HTRA3: variants seen among roughly 807,000 people sequenced by gnomAD.
HTRA3 encodes the protein HtrA serine peptidase 3.
Under a neutral mutation model 43.2 loss-of-function variants are expected in HTRA3, and 41 were observed. The observed-to-expected ratio is 0.95, with a 90% CI of 0.74 to 1.23. HTRA3 has a LOEUF of 1.23. Among genes scored for constraint, HTRA3 ranks in the 50% most tolerant of loss-of-function variants. The pLI is 0.00. For missense variants in HTRA3, 628 were observed against 647.1 expected (o/e 0.97, Z 0.32); for synonymous variants, 295 against 287.9 (o/e 1.02, Z -0.25).
chr4:8,291,750 G>A (rs546662157), intron 4 of HTRA3, among the ~76,000 whole-genome samples, 186 bp downstream of exon 4: 27 of 152,350 alleles, frequency 1.8e-4, no homozygotes, highest in African/African-American at 6.5e-4. Context: ...ACCCCAGGGT[G>A]CCAGGCACGC....
At position 8,304,183 on chromosome 4, in the gene HTRA3, G is replaced by A; in HGVS notation, c.1101-1G>A. On this transcript the variant is annotated splice_acceptor_variant, in intron 7 of 8. Transcript: ENST00000307358. LOFTEE classifies it high-confidence loss of function. The stretch of plus-strand genomic sequence containing the variant: ...GGGCCTTGACGGCAGACTCTTTCCA[G>A]CCTGGTGGATGAGCTGAAGGCCAGC... The A allele has an allele frequency of 6.2e-7, 1 of 1,613,856 alleles. No homozygotes were observed. Among genetic ancestry groups the A allele is most frequent in the Non-Finnish European group, 8.5e-7 (1 of 1,179,784 alleles).
At chr4:8,282,265 C>A (rs1317598503) in intron 1 of HTRA3, among the ~76,000 whole-genome samples, 172 bp from the exon 2 acceptor site, 1 of 152,210 alleles carries the variant, frequency 6.6e-6, no homozygotes. Flanking sequence ...GGTGTCACTG[C>A]ACTGCTGTGT....
At chr4:8,277,582 G>A (rs188468486) in intron 1 of HTRA3, among the ~76,000 whole-genome samples, 2 of 152,328 alleles carry the variant, frequency 1.3e-5, no homozygotes, top group African/African-American at 4.8e-5. Context: ...GGAATGACAG[G>A]AAGGGCATAT....
At position 8,305,974 on chromosome 4, in the gene HTRA3, C is replaced by A. The variant is rs577535097; in HGVS notation, c.1200C>A (p.Gly400=). ...ACCCCGTCTCTCCTGTTGGCAGAGG[C>A]GGCATCCAAGATGGTGACATCATCG... ...EVAPNSPSQR[G]GIQDGDIIVK... Residue 400 remains glycine (G), a synonymous_variant, in exon 9 of 9, where the codon GGC becomes GGA. Coordinates refer to ENST00000307358, the MANE Select transcript of HTRA3 (RefSeq NM_053044.5). The A allele has an allele frequency of 6.2e-7, 1 of 1,610,930 alleles. No homozygotes were observed. The highest frequency in any genetic ancestry group is 8.5e-7 in the Non-Finnish European group (1 of 1,179,264).
chr4:8,275,464 C>T (rs1321336528), intron 1 of HTRA3, among the ~76,000 whole-genome samples: 1 of 152,242 alleles, frequency 6.6e-6, no homozygotes, highest in East Asian at 1.9e-4. Context: ...CCTGTGAAAC[C>T]CCCATCCTGC....
chr4:8,292,430 G>C, intron 5 of HTRA3, 77 bp downstream of exon 5: 2 of 1,209,392 alleles, frequency 1.7e-6, no homozygotes, highest in East Asian at 2.4e-5. Flanking sequence ...CTTGAGGTGG[G>C]ACAGGGCCCA....
Position 8,286,019 on chromosome 4 carries a change from C to T in HTRA3, c.486-542C>T, listed in dbSNP as rs1560137415. The stretch of plus-strand genomic sequence containing the variant: ...TCCCTTCCTGGGTACCTGCTGCAGC[C>T]CTGCAGGATGCTGTGTGTGCAATGG... On this transcript the variant is annotated intron_variant, in intron 2 of 8. Coordinates refer to ENST00000307358, the MANE Select transcript of HTRA3 (RefSeq NM_053044.5). The surrounding 1 kb of genome is among the most constrained non-coding windows in gnomAD (Gnocchi z 4.9). Among the ~76,000 whole-genome samples the T allele has an allele frequency of 6.6e-6, 1 of 152,208 alleles. No homozygotes were observed. The highest frequency in any genetic ancestry group is 1.5e-5 in the Non-Finnish European group (1 of 68,030).
At position 8,295,886 on chromosome 4, in the gene HTRA3, C is replaced by A. The variant is rs1231831851; in HGVS notation, c.1051+1685C>A. On this transcript the variant is annotated intron_variant, in intron 6 of 8. Transcript: ENST00000307358. This position sits in a 1 kb window ranked among gnomAD's most constrained non-coding sequence, Gnocchi z 6.9. Reference sequence around the variant, plus strand: ...CCATTATGGGAAGACAATCTGGAGCCAGGCAGAGCCTGTCTTTCCCAAAGA... The same window carrying A: ...CCATTATGGGAAGACAATCTGGAGCAAGGCAGAGCCTGTCTTTCCCAAAGA... The A allele has an allele frequency of 1.6e-6, 2 of 1,235,116 alleles. No homozygotes were observed. Among genetic ancestry groups the A allele is most frequent in the Non-Finnish European group, 2.0e-6 (2 of 988,908 alleles). 76.5% of individuals were successfully genotyped at this position (1,235,116 alleles called of 1,614,324 possible). A position where few individuals can be genotyped will look rare whatever the true frequency, so the allele number is the denominator to read the frequency against.
chr4:8,292,320 G>A lies in HTRA3; in HGVS notation c.904-1G>A. 6.2e-7 allele frequency: 1 copy of A among 1,613,112 alleles called. No homozygotes were observed. Among genetic ancestry groups the A allele is most frequent in the Non-Finnish European group, 8.5e-7 (1 of 1,179,636 alleles). On this transcript the variant is annotated splice_acceptor_variant, in intron 4 of 8. Coordinates refer to ENST00000307358, the MANE Select transcript of HTRA3 (RefSeq NM_053044.5). LOFTEE classifies it high-confidence loss of function. ...GCTAATGCTGTTTCCTCCCCTTGCA[G>A]TACGGGAACTCCGGGGGACCACTGG...
intron 6 of HTRA3, among the ~76,000 whole-genome samples, chr4:8,300,074 A>G (rs946150960): frequency 1.3e-5 from 2 of 152,212 alleles, no homozygotes; most frequent in Non-Finnish European, 2.9e-5. Context: ...TCCTGACTTC[A>G]GGTGATCCAC....
intron 5 of HTRA3, 128 bp from the exon 6 acceptor site, chr4:8,293,959 G>T: frequency 1.6e-6 from 1 of 628,624 alleles, no homozygotes; most frequent in Non-Finnish European, 2.8e-6. Context: ...TTTCAGGGGA[G>T]TTGGGGGCTG....
In HTRA3 at chr4:8,279,147, T is replaced by C. The variant is rs1286436772; in HGVS notation, c.386-3290T>C. On this transcript the variant is annotated intron_variant, in intron 1 of 8. Coordinates refer to ENST00000307358, the MANE Select transcript of HTRA3 (RefSeq NM_053044.5). The surrounding 1 kb of genome is among the most constrained non-coding windows in gnomAD (Gnocchi z 7.4). ...GGGTGGGCACGTGCGGGCTTCTCTT[T>C]GGAGACTCTGTGGGAAACAGGCCAC... 6.6e-6 allele frequency among the ~76,000 whole-genome samples: 1 copy of C among 152,090 alleles called. No homozygotes were observed. The highest frequency in any genetic ancestry group is 1.5e-5 in the Non-Finnish European group (1 of 68,022).
At chr4:8,281,239 A>G (rs1712731273) in intron 1 of HTRA3, among the ~76,000 whole-genome samples, 1 of 152,128 alleles carries the variant, frequency 6.6e-6, no homozygotes, top group South Asian at 2.1e-4. Context: ...GTGCCTTTGG[A>G]CGATCCAGAA....
intron 8 of HTRA3, among the ~76,000 whole-genome samples, chr4:8,304,643 GTTTTTTTTTTTTTTTTTTTT>G (rs140790982): frequency 1.6e-5 from 1 of 62,736 alleles, no homozygotes; most frequent in African/African-American, 6.8e-5. Flanking sequence ...TCAGCCTATT[GTTTTTTTTTTTTTTTTTTTT>G]TTTTTTTTTT....
chr4:8,291,339 C>A, intron 3 of HTRA3, 31 bp from the exon 4 acceptor site: 1 of 1,596,432 alleles, frequency 6.3e-7, no homozygotes, highest in South Asian at 1.1e-5. Context: ...GCTAAGCCTC[C>A]CTCTCTGTGT....
rs1456890589 is a variant in HTRA3 at position 8,306,744 on chromosome 4, AG to A, written c.*610del. The A allele has an allele frequency of 6.6e-6, 1 of 152,496 alleles. No homozygotes were observed. The highest frequency in any genetic ancestry group is 1.5e-5 in the Non-Finnish European group (1 of 68,086). 9.4% of individuals were successfully genotyped at this position (152,496 alleles called of 1,614,324 possible). A position where few individuals can be genotyped will look rare whatever the true frequency, so the allele number is the denominator to read the frequency against. On this transcript the variant is annotated 3_prime_UTR_variant, in exon 9 of 9. Coordinates refer to ENST00000307358, the MANE Select transcript of HTRA3 (RefSeq NM_053044.5). The surrounding 1 kb of genome is among the most constrained non-coding windows in gnomAD (Gnocchi z 8.9). ...CGGAGCTGAGCCCCGCCCTGCCATG[AG>A]GTTTTCCTCCCCAGGCAGGCAGGAG... is the stretch of plus-strand genomic sequence containing the variant.
intron 1 of HTRA3, among the ~76,000 whole-genome samples, chr4:8,281,411 G>A (rs1432028102): frequency 6.6e-6 from 1 of 152,218 alleles, no homozygotes; most frequent in African/African-American, 2.4e-5. Context: ...GGGACTCGAA[G>A]TTTGCAGTCC....
At position 8,306,015 on chromosome 4, in the gene HTRA3, G is replaced by T. The variant is rs141190260; in HGVS notation, c.1241G>T (p.Arg414Leu). 1 of 1,612,566 alleles carries T rather than the reference G, an allele frequency of 6.2e-7. No homozygotes were observed. Among genetic ancestry groups the T allele is most frequent in the Admixed American group, 1.7e-5 (1 of 59,800 alleles). ...DGDIIVKVNG[R>L]PLVDSSELQE... The stretch of plus-strand genomic sequence containing the variant: ...GACATCATCGTCAAGGTCAACGGGC[G>T]TCCTCTAGTGGACTCGAGTGAGCTG... The change falls in exon 9 of 9, where the codon CGT becomes CTT. Residue 414 changes from arginine to leucine, a missense_variant. By Grantham distance (102) the Arg-to-Leu change is moderately radical (BLOSUM62 -2). Coordinates refer to ENST00000307358, the MANE Select transcript of HTRA3 (RefSeq NM_053044.5). This position sits in a 1 kb window ranked among gnomAD's most constrained non-coding sequence, Gnocchi z 8.9.
In HTRA3 at chr4:8,282,519, C is replaced by T; in HGVS notation, c.468C>T (p.His156=). Residue 156 remains histidine (H), a synonymous_variant, in exon 2 of 9, where the codon CAC becomes CAT. Transcript: ENST00000307358. The part of the protein sequence containing the change: ...VVEKIAPAVV[H]IELFLRHPLF... ...AGAAGATCGCACCAGCCGTGGTCCACATAGAGCTCTTCCTGAGGTGGGTGA... is the reference window on the plus strand; with the variant it reads ...AGAAGATCGCACCAGCCGTGGTCCATATAGAGCTCTTCCTGAGGTGGGTGA... 1 of 1,613,852 alleles carries T rather than the reference C, an allele frequency of 6.2e-7. No homozygotes were observed.
Sources: gnomAD v4.1 joint callset for allele counts (sites outside exome capture counted in the v4.1 genomes callset) on GRCh38, gnomAD v4.1.1 for gene constraint, Gnocchi (gnomAD v3.1) non-coding constraint, MANE v1.5 for transcripts, NCBI Gene and HGNC (gene_info 2026-07-23, HGNC 2026-07-21) for gene names.